The following CBX5 variants were observed in gnomAD, a reference collection of about 807,000 sequenced individuals.
CBX5 encodes the protein chromobox 5.
In CBX5, 7 loss-of-function variants were observed where a neutral mutation model predicts 20.7. The ratio of observed to expected loss-of-function variants is 0.34; its 90% CI spans 0.19 to 0.63. The LOEUF is 0.63. Among genes scored for constraint, CBX5 ranks in the 30% least tolerant of loss-of-function variants. The pLI is 0.75. For synonymous variants in CBX5, 78 were observed against 77.0 expected (o/e 1.01, Z -0.07); for missense variants, 110 against 224.1 (o/e 0.49, Z 3.25).
At chr12:54,254,600 C>G (rs1468952321) in intron 2 of CBX5, among the ~76,000 whole-genome samples, 1 of 152,100 alleles carries the variant, frequency 6.6e-6, no homozygotes, top group Non-Finnish European at 1.5e-5. Flanking sequence ...AGTCTCTAAT[C>G]CCAGCACTTT....
intron 3 of CBX5, among the ~76,000 whole-genome samples, chr12:54,248,947 A>G (rs1473979680): frequency 6.6e-6 from 1 of 152,188 alleles, no homozygotes; most frequent in Non-Finnish European, 1.5e-5. Flanking sequence ...GGGGTCCCAG[A>G]TGAACATTAT....
At chr12:54,257,927 G>A (rs1943878444) in intron 1 of CBX5, 3 of 342,434 alleles carry the variant, frequency 8.8e-6, no homozygotes, top group African/African-American at 2.1e-5. Context: ...AGGCACAACT[G>A]TTTAACTCTT....
chr12:54,240,626 A>G lies in CBX5; in HGVS notation c.*1129T>C, dbSNP rs1165016627. ...GGGGACTCTTGGTGGTAAATCCAGG[A>G]GCCAAGAATGCAGGAGACATAACTG... On this transcript the variant is annotated 3_prime_UTR_variant, in exon 5 of 5. Transcript: ENST00000209875. The G allele has an allele frequency of 6.6e-6, 1 of 152,216 alleles. No individual in the cohort carries two copies. The highest frequency in any genetic ancestry group is 2.4e-5 in the African/African-American group (1 of 41,458). 9.4% of individuals were successfully genotyped at this position (152,216 alleles called of 1,614,324 possible). A position where few individuals can be genotyped will look rare whatever the true frequency, so the allele number is the denominator to read the frequency against.
chr12:54,260,873 A>C (rs1039053606), intron 1 of CBX5, among the ~76,000 whole-genome samples: 2 of 152,156 alleles, frequency 1.3e-5, no homozygotes, highest in African/African-American at 4.8e-5. Flanking sequence ...TAGGAGAGTA[A>C]GAAAAAGGGA....
chr12:54,253,217 C>A (rs1943826439), intron 2 of CBX5, among the ~76,000 whole-genome samples: 1 of 152,010 alleles, frequency 6.6e-6, no homozygotes, highest in African/African-American at 2.4e-5. Flanking sequence ...GAGTTCGAGA[C>A]CAGCCTGGTC....
chr12:54,249,338 C>T (rs915011707), intron 3 of CBX5, among the ~76,000 whole-genome samples: 3 of 150,202 alleles, frequency 2.0e-5, no homozygotes, highest in African/African-American at 7.4e-5. Context: ...GCACTCCAGC[C>T]TGGGCAACAG....
At chr12:54,254,331 C>CAA (rs34812446) in intron 2 of CBX5, among the ~76,000 whole-genome samples, 83 of 54,622 alleles carry the variant, frequency 1.5e-3, no homozygotes, top group Non-Finnish European at 1.7e-3. Flanking sequence ...AACTCCATCT[C>CAA]AAAAAAAAAA....
In CBX5 at chr12:54,241,590, G is replaced by A; in HGVS notation, c.*165C>T. 1 of 624,778 alleles carries A rather than the reference G, an allele frequency of 1.6e-6. No individual in the cohort carries two copies. Among genetic ancestry groups the A allele is most frequent in the Non-Finnish European group, 2.8e-6 (1 of 362,124 alleles). The allele number at this position is 624,778 out of a possible 1,614,324, so 38.7% of individuals were successfully genotyped here. ...ACACTTATCATTAATCAGACCATCA[G>A]TTATGTTACAAGAGAACCAATACCA... On this transcript the variant is annotated 3_prime_UTR_variant, in exon 5 of 5. Coordinates refer to ENST00000209875, the MANE Select transcript of CBX5 (RefSeq NM_012117.3).
chr12:54,279,303 C>A (rs970727133), intron 1 of CBX5, among the ~76,000 whole-genome samples: 155 of 149,182 alleles, frequency 1.0e-3, no homozygotes, highest in African/African-American at 3.2e-3. Context: ...AACAAACAAA[C>A]AAAAAAAAAC....
Position 54,252,125 on chromosome 12 carries a change from TTTA to T in CBX5, c.237_239del (p.Asn79del). 2 of 1,612,270 alleles carry T rather than the reference TTTA, an allele frequency of 1.2e-6. No individual in the cohort carries two copies. Among genetic ancestry groups the T allele is most frequent in the Non-Finnish European group, 1.7e-6 (2 of 1,179,314 alleles). On this transcript the variant is annotated inframe_deletion, in exon 3 of 5. Transcript: ENST00000209875. The stretch of plus-strand genomic sequence containing the variant: ...TGTTACTTTCTGACTTCTCCCTGGG[TTTA>T]TTATTTTCACCCTCCTTCATCTTCT...
intron 1 of CBX5, among the ~76,000 whole-genome samples, chr12:54,279,697 T>C (rs1944112134): frequency 6.6e-6 from 1 of 152,106 alleles, no homozygotes; most frequent in Non-Finnish European, 1.5e-5. Flanking sequence ...GCTCACTGGC[T>C]CAGTGAGACG....
intron 1 of CBX5, chr12:54,278,544 G>T: frequency 6.6e-6 from 1 of 152,194 alleles, no homozygotes; most frequent in East Asian, 1.9e-4. Context: ...ATAGGTAGTT[G>T]ATTTTCAGTA....
intron 2 of CBX5, among the ~76,000 whole-genome samples, chr12:54,254,372 T>C (rs989986581): frequency 1.2e-4 from 17 of 145,154 alleles, no homozygotes; most frequent in African/African-American, 4.1e-4. Flanking sequence ...TAGATGGGAA[T>C]GATTTGAACA....
In CBX5 at chr12:54,238,491, TGAG is replaced by T. The variant is rs1464651053; in HGVS notation, c.*3261_*3263del. The T allele has an allele frequency of 6.6e-6, 1 of 152,216 alleles. No homozygotes were observed. The highest frequency in any genetic ancestry group is 1.5e-5 in the Non-Finnish European group (1 of 68,046). 9.4% of individuals were successfully genotyped at this position (152,216 alleles called of 1,614,324 possible). On this transcript the variant is annotated 3_prime_UTR_variant, in exon 5 of 5. Coordinates refer to ENST00000209875, the MANE Select transcript of CBX5 (RefSeq NM_012117.3). ...ATATAGCTTCTTCTCTGGGATCTAC[TGAG>T]GAGTGAAATCTAAATGAAGATTTAG...
At chr12:54,269,756 A>G (rs1293612558) in intron 1 of CBX5, among the ~76,000 whole-genome samples, 1 of 152,164 alleles carries the variant, frequency 6.6e-6, no homozygotes, top group African/African-American at 2.4e-5. Flanking sequence ...AGATAGGGCT[A>G]GTAAGGTTCT....
chr12:54,246,167 T>C lies in CBX5; in HGVS notation c.373A>G (p.Lys125Glu). 1 of 1,613,906 alleles carries C rather than the reference T, an allele frequency of 6.2e-7. No individual in the cohort carries two copies. Residue 125 changes from lysine to glutamate, a missense_variant, in exon 4 of 5, where the codon AAG (lysine) becomes GAG (glutamate). Lys to Glu is a moderately conservative substitution (Grantham distance 56). Transcript: ENST00000209875. ...CAGGAATCTGTTGCCCCAATGATCT[T>C]TTCTGGTTCCAGTCCTCTCTCAAAG... The part of the protein sequence containing the change: ...RGFERGLEPE[K>E]IIGATDSCGD...
chr12:54,264,289 G>A (rs1344381058), intron 1 of CBX5, among the ~76,000 whole-genome samples: 1 of 152,038 alleles, frequency 6.6e-6, no homozygotes, highest in Non-Finnish European at 1.5e-5. Flanking sequence ...CTGAGCAGCT[G>A]GGACCACAGG....
chr12:54,266,376 C>T (rs1359848873), intron 1 of CBX5, among the ~76,000 whole-genome samples: 3 of 151,606 alleles, frequency 2.0e-5, no homozygotes, highest in African/African-American at 7.3e-5. Flanking sequence ...CCAGCCTGGG[C>T]GACAGAGCGA....
At chr12:54,258,895 T>C (rs555058065) in intron 1 of CBX5, among the ~76,000 whole-genome samples, 1 of 152,238 alleles carries the variant, frequency 6.6e-6, no homozygotes, top group South Asian at 2.1e-4. Context: ...CAGAATGATG[T>C]TCAAGTCACA....
Sources: gnomAD v4.1 joint callset for allele counts (sites outside exome capture counted in the v4.1 genomes callset) on GRCh38, gnomAD v4.1.1 for gene constraint, MANE v1.5 for transcripts, NCBI Gene and HGNC (gene_info 2026-07-23, HGNC 2026-07-21) for gene names.